The following EFCAB14 variants were observed in gnomAD, a reference collection of about 807,000 sequenced individuals.
The protein encoded by EFCAB14 is EF-hand calcium binding domain 14, also known as EF-hand calcium-binding domain-containing protein 14.
Under a neutral mutation model 56.5 loss-of-function variants are expected in EFCAB14, and 43 were observed. The observed-to-expected ratio is 0.76, with a 90% CI of 0.60 to 0.98. EFCAB14 has a LOEUF of 0.98. Among genes scored for constraint, EFCAB14 ranks in the 50% least tolerant of loss-of-function variants. The pLI, the probability that EFCAB14 is intolerant of heterozygous loss-of-function variation, is 0.00. For missense variants in EFCAB14, 538 were observed against 580.3 expected, an observed-to-expected ratio of 0.93 and a Z score of 0.75; for synonymous variants, 235 against 212.9, an observed-to-expected ratio of 1.10 and a Z score of -0.90.
chr1:46,708,287 T>C (rs1185820147), intron 2 of EFCAB14, among the ~76,000 whole-genome samples: 1 of 152,218 alleles, frequency 6.6e-6, no homozygotes, highest in Non-Finnish European at 1.5e-5. Flanking sequence ...CATAACAGAA[T>C]GTGAGCAGAA....
At chr1:46,690,028 T>C (rs897062865) in intron 5 of EFCAB14, among the ~76,000 whole-genome samples, 2 of 152,204 alleles carry the variant, frequency 1.3e-5, no homozygotes, top group Non-Finnish European at 2.9e-5. Flanking sequence ...TCACTGTAAC[T>C]TTCCAGGGAC....
chr1:46,700,433 G>C (rs541504373), intron 3 of EFCAB14, among the ~76,000 whole-genome samples: 1 of 152,176 alleles, frequency 6.6e-6, no homozygotes, highest in Non-Finnish European at 1.5e-5. Flanking sequence ...TCAGTCCACA[G>C]AGATACTCTC....
intron 2 of EFCAB14, among the ~76,000 whole-genome samples, chr1:46,712,403 T>C (rs960819950): frequency 6.6e-6 from 1 of 151,960 alleles, no homozygotes; most frequent in African/African-American, 2.4e-5. Flanking sequence ...TTGAAGTATC[T>C]GGTTTTGGAA....
chr1:46,699,281 C>T (rs943727149), intron 3 of EFCAB14, among the ~76,000 whole-genome samples: 1 of 152,184 alleles, frequency 6.6e-6, no homozygotes, highest in Non-Finnish European at 1.5e-5. Context: ...ACCAAGCAGG[C>T]ATTCTTTCTA....
chr1:46,695,787 T>A (rs1677070476), intron 4 of EFCAB14, among the ~76,000 whole-genome samples: 1 of 152,130 alleles, frequency 6.6e-6, no homozygotes, highest in South Asian at 2.1e-4. Flanking sequence ...TCAAGTGATC[T>A]TCCTACTTCA....
In EFCAB14 at chr1:46,716,445, T is replaced by G; in HGVS notation, c.186-2A>C. ...TTGCAGCATCGTAAATAGTCTCCCC[T>G]GCTCAAGAGGACAAATTCAACCATG... On this transcript the variant is annotated splice_acceptor_variant, in intron 1 of 10. Transcript: ENST00000371933. LOFTEE classifies it high-confidence loss of function. 1 of 1,613,724 alleles carries G rather than the reference T, an allele frequency of 6.2e-7. No homozygotes were observed. The highest frequency in any genetic ancestry group is 8.5e-7 in the Non-Finnish European group (1 of 1,179,880).
chr1:46,710,478 C>T (rs1410572894), intron 2 of EFCAB14, among the ~76,000 whole-genome samples: 1 of 152,174 alleles, frequency 6.6e-6, no homozygotes, highest in African/African-American at 2.4e-5. Flanking sequence ...CTCTCCCTAT[C>T]CCTTCTTCCC....
At position 46,707,913 on chromosome 1, in the gene EFCAB14, T is replaced by C; in HGVS notation, c.473A>G (p.Asn158Ser). The change falls in exon 3 of 11, where the codon AAT becomes AGT. Residue 158 changes from asparagine (N) to serine (S), a missense_variant. Transcript: ENST00000371933. ...AAATCAAACTTTTAGTACCTGCTTA[T>C]TCATTTCTGTGATGTTTATCCAGAC... ...NKVWINITEM[N>S]KQISLLTSAV... 6.2e-7 allele frequency: 1 copy of C among 1,609,044 alleles called. No homozygotes were observed. The highest frequency in any genetic ancestry group is 8.5e-7 in the Non-Finnish European group (1 of 1,179,338).
At chr1:46,688,325 A>G (rs768961625) in intron 7 of EFCAB14, 28 bp downstream of exon 7, 2 of 1,604,962 alleles carry the variant, frequency 1.2e-6, no homozygotes, top group South Asian at 2.2e-5. Context: ...AACACACTGC[A>G]TGTCACAAAA....
intron 2 of EFCAB14, among the ~76,000 whole-genome samples, chr1:46,714,812 A>C (rs78055757): frequency 0.015 from 2,285 of 152,078 alleles, 51 homozygotes; most frequent in African/African-American, 0.051. Context: ...AAAAAAAAAA[A>C]AAAACAAGAA....
At chr1:46,703,986 C>T (rs1677198652) in intron 3 of EFCAB14, among the ~76,000 whole-genome samples, 2 of 152,184 alleles carry the variant, frequency 1.3e-5, no homozygotes, top group South Asian at 4.2e-4. Flanking sequence ...TGGCCAACTC[C>T]TATTTGCCCT....
At chr1:46,691,732 T>C (rs1676995476) in intron 5 of EFCAB14, 95 bp downstream of exon 5, 1 of 774,644 alleles carries the variant, frequency 1.3e-6, no homozygotes, top group Middle Eastern at 2.4e-4. Context: ...AACAGATGCA[T>C]AGCAGGGCCT....
Position 46,686,904 on chromosome 1 carries a change from G to A in EFCAB14, c.988-34C>T, listed in dbSNP as rs763769582. ...GCAAAACAAAAACAAACAAACAAAGGGAAGATTAAAGGCAAACATTAAAAC... is the reference window on the plus strand; with the variant it reads ...GCAAAACAAAAACAAACAAACAAAGAGAAGATTAAAGGCAAACATTAAAAC... On this transcript the variant is annotated intron_variant, in intron 7 of 10. Transcript: ENST00000371933. The A allele has an allele frequency of 4.4e-6, 7 of 1,601,232 alleles. No individual in the cohort carries two copies. In the South Asian group the frequency reaches 7.7e-5, roughly 18 times the overall value.
chr1:46,708,183 T>C (rs538970572), intron 2 of EFCAB14, 132 bp from the exon 3 acceptor site: 2 of 886,644 alleles, frequency 2.3e-6, no homozygotes, highest in East Asian at 2.9e-5. Context: ...CTTTTATTTA[T>C]GTAAATATAT....
chr1:46,717,776 C>T, intron 1 of EFCAB14, 127 bp downstream of exon 1: 2 of 991,604 alleles, frequency 2.0e-6, no homozygotes, highest in South Asian at 1.7e-5. Flanking sequence ...CCGTTTTTCC[C>T]TCTTTGACTT....
At chr1:46,699,487 G>A (rs967218361) in intron 3 of EFCAB14, among the ~76,000 whole-genome samples, 2 of 152,146 alleles carry the variant, frequency 1.3e-5, no homozygotes, top group Non-Finnish European at 2.9e-5. Context: ...CACAATACCC[G>A]TGATACAAAG....
chr1:46,708,436 T>C (rs1303779096), intron 2 of EFCAB14, among the ~76,000 whole-genome samples: 2 of 152,210 alleles, frequency 1.3e-5, no homozygotes, highest in African/African-American at 4.8e-5. Flanking sequence ...AGTGAGAGAA[T>C]GGCTGCAAAG....
chr1:46,717,882 C>T, intron 1 of EFCAB14, 21 bp downstream of exon 1: 1 of 1,605,900 alleles, frequency 6.2e-7, no homozygotes. Flanking sequence ...TCTTCCCATT[C>T]CACCTTTCAC....
At chr1:46,687,148 C>T (rs576648159) in intron 7 of EFCAB14, among the ~76,000 whole-genome samples, 3 of 152,218 alleles carry the variant, frequency 2.0e-5, no homozygotes, top group South Asian at 2.1e-4. Flanking sequence ...ATGCTGAGCA[C>T]GATACTGCTC....
Sources: gnomAD v4.1 joint callset for allele counts (sites outside exome capture counted in the v4.1 genomes callset) on GRCh38, gnomAD v4.1.1 for gene constraint, MANE v1.5 for transcripts, NCBI Gene and HGNC (gene_info 2026-07-23, HGNC 2026-07-21) for gene names.